SOCS4: variants seen among roughly 807,000 people sequenced by gnomAD.
SOCS4 encodes suppressor of cytokine signaling 4.
Under a neutral mutation model 34.1 loss-of-function variants are expected in SOCS4, and 20 were observed. That is an observed-to-expected ratio of 0.59 (90% CI 0.41 to 0.85). The LOEUF is 0.85. Ranked by LOEUF, SOCS4 falls within the 40% of genes least tolerant of loss-of-function variation. The pLI is 0.00. For missense variants in SOCS4, 479 were observed against 532.4 expected (o/e 0.90, Z 0.99); for synonymous variants, 180 against 186.4 (o/e 0.97, Z 0.28).
At chr14:55,028,102 A>G (rs1178875883) in intron 1 of SOCS4, among the ~76,000 whole-genome samples, 2 of 152,202 alleles carry the variant, frequency 1.3e-5, no homozygotes, top group African/African-American at 2.4e-5. Context: ...TCCAGTATCA[A>G]TCACATTTAT....
chr14:55,044,569 C>G lies in SOCS4; in HGVS notation c.*205C>G, dbSNP rs1685821412. The G allele has an allele frequency of 7.1e-6, 2 of 280,540 alleles. No individual in the cohort carries two copies. The highest frequency in any genetic ancestry group is 2.2e-5 in the African/African-American group (1 of 45,096). The allele number at this position is 280,540 out of a possible 1,614,324, so 17.4% of individuals were successfully genotyped here. A position where few individuals can be genotyped will look rare whatever the true frequency, so the allele number is the denominator to read the frequency against. Reference sequence around the variant, plus strand: ...CTCGAGCTTAAATAGATATTTTTAACCAGGTGTTTGGTTTTTGTTTTTACC... The same window carrying G: ...CTCGAGCTTAAATAGATATTTTTAAGCAGGTGTTTGGTTTTTGTTTTTACC... On this transcript the variant is annotated 3_prime_UTR_variant, in exon 3 of 3. Coordinates refer to ENST00000555846, the MANE Select transcript of SOCS4 (RefSeq NM_199421.2).
At chr14:55,040,085 C>A (rs1316417991) in intron 2 of SOCS4, among the ~76,000 whole-genome samples, 1 of 152,220 alleles carries the variant, frequency 6.6e-6, no homozygotes, top group South Asian at 2.1e-4. Flanking sequence ...TCATATTCTT[C>A]AGCCCATCTT....
rs1205243816 is a variant in SOCS4, at chr14:55,044,414, TTTTA to T, written c.*54_*57del. Reference sequence around the variant, plus strand: ...ATAATATATATTTTTTCTTTTAATATTTTATTTTTCTTTTTATGCCACTTTGGAT... The same window carrying T: ...ATAATATATATTTTTTCTTTTAATATTTTTTCTTTTTATGCCACTTTGGAT... On this transcript the variant is annotated 3_prime_UTR_variant, in exon 3 of 3. Transcript: ENST00000555846. 1 of 1,265,470 alleles carries T rather than the reference TTTTA, an allele frequency of 7.9e-7. No individual in the cohort carries two copies. Among genetic ancestry groups the T allele is most frequent in the Non-Finnish European group, 1.0e-6 (1 of 986,928 alleles). The allele number at this position is 1,265,470 out of a possible 1,614,324, so 78.4% of individuals were successfully genotyped here. A position where few individuals can be genotyped will look rare whatever the true frequency, so the allele number is the denominator to read the frequency against.
At chr14:55,039,737 C>CA (rs922971435) in intron 2 of SOCS4, among the ~76,000 whole-genome samples, 2 of 150,896 alleles carry the variant, frequency 1.3e-5, no homozygotes, top group East Asian at 2.0e-4. Flanking sequence ...ACTAAAAATA[C>CA]AAAAAAAAAT....
At position 55,043,645 on chromosome 14, in the gene SOCS4, A is replaced by G; in HGVS notation, c.604A>G (p.Asn202Asp). The change falls in exon 3 of 3, where the codon AAT becomes GAT. Residue 202 changes from asparagine to aspartate, a missense_variant. By Grantham distance (23) the Asn-to-Asp change is conservative. Coordinates refer to ENST00000555846, the MANE Select transcript of SOCS4 (RefSeq NM_199421.2). The part of the protein sequence containing the change: ...NVQPCVITTD[N>D]ALCREGPMTG... ...TCAGCCCTGTGTCATAACCACCGACAATGCTTTGTGTAGAGAAGGTCCTAT... is the reference window on the plus strand; with the variant it reads ...TCAGCCCTGTGTCATAACCACCGACGATGCTTTGTGTAGAGAAGGTCCTAT... The G allele has an allele frequency of 6.2e-7, 1 of 1,614,200 alleles. No homozygotes were observed. Among genetic ancestry groups the G allele is most frequent in the African/African-American group, 1.3e-5 (1 of 75,058 alleles).
rs1267154523 is a variant in SOCS4 at position 55,048,254 on chromosome 14, T to A, written c.*3890T>A. ...CTCACGCTTACTTTTCATTAAAATA[T>A]TTCTTGTCGCTTTTAGCTATTGTCA... On this transcript the variant is annotated 3_prime_UTR_variant, in exon 3 of 3. Transcript: ENST00000555846. 6.0e-6 allele frequency: 1 copy of A among 167,134 alleles called. No homozygotes were observed. 10.4% of individuals were successfully genotyped at this position (167,134 alleles called of 1,614,324 possible).
At chr14:55,042,619 T>G (rs1391417723) in intron 2 of SOCS4, among the ~76,000 whole-genome samples, 1 of 152,190 alleles carries the variant, frequency 6.6e-6, no homozygotes, top group Non-Finnish European at 1.5e-5. Context: ...TAAGGAGAGA[T>G]GAGCATAAGA....
Position 55,043,226 on chromosome 14 carries a change from T to C in SOCS4, c.185T>C (p.Leu62Ser), listed in dbSNP as rs2042636545. Residue 62 changes from leucine (L) to serine (S), a missense_variant, in exon 3 of 3, where the codon TTA (leucine) becomes TCA (serine). Leu to Ser is a moderately radical substitution (Grantham distance 145). Coordinates refer to ENST00000555846, the MANE Select transcript of SOCS4 (RefSeq NM_199421.2). Reference protein sequence around the residue: ...VNGIEKTEVSLRNQERKHSCS... With the variant: ...VNGIEKTEVSSRNQERKHSCS... Reference sequence around the variant, plus strand: ...GGTATAGAGAAAACCGAAGTGTCTTTAAGGAACCAAGAAAGGAAGCACAGC... The same window carrying C: ...GGTATAGAGAAAACCGAAGTGTCTTCAAGGAACCAAGAAAGGAAGCACAGC... 1.2e-6 allele frequency: 2 copies of C among 1,614,130 alleles called. No individual in the cohort carries two copies. The highest frequency in any genetic ancestry group is 2.7e-5 in the African/African-American group (2 of 74,944).
intron 2 of SOCS4, among the ~76,000 whole-genome samples, chr14:55,035,042 G>A (rs2042560622): frequency 1.3e-5 from 2 of 152,130 alleles, no homozygotes; most frequent in Non-Finnish European, 2.9e-5. Flanking sequence ...TGTGTTTTTA[G>A]TAGAGAGGAG....
At position 55,043,157 on chromosome 14, in the gene SOCS4, G is replaced by A. The variant is rs144064578; in HGVS notation, c.116G>A (p.Trp39Ter). 6.2e-7 allele frequency: 1 copy of A among 1,614,140 alleles called. No individual in the cohort carries two copies. Among genetic ancestry groups the A allele is most frequent in the Admixed American group, 1.7e-5 (1 of 60,008 alleles). ...GYVWSGKKLS[W>*]SKKSESYSDA... ...GTGTGGAGTGGAAAGAAGTTATCTT[G>A]GTCAAAAAAGAGTGAGAGTTATTCA... The change falls in exon 3 of 3, where the codon TGG becomes TAG. Residue 39 changes from tryptophan to a stop codon, truncating the protein, a stop_gained. Transcript: ENST00000555846. LOFTEE classifies it high-confidence loss of function.
rs1463919689 is a variant in SOCS4 at position 55,027,320 on chromosome 14, G to A, written c.-371G>A. 2 of 187,994 alleles carry A rather than the reference G, an allele frequency of 1.1e-5. No homozygotes were observed. Among genetic ancestry groups the A allele is most frequent in the Non-Finnish European group, 2.3e-5 (2 of 88,562 alleles). The allele number at this position is 187,994 out of a possible 1,614,324, so 11.6% of individuals were successfully genotyped here. The stretch of plus-strand genomic sequence containing the variant: ...GGGACCGGAACGCCGAAGCGGGGTT[G>A]GGGGTGGCAGAAAAGCATCTGCTTT... On this transcript the variant is annotated 5_prime_UTR_variant, in exon 1 of 3. Transcript: ENST00000555846.
chr14:55,031,117 C>G (rs553099777), intron 1 of SOCS4, among the ~76,000 whole-genome samples: 1 of 152,068 alleles, frequency 6.6e-6, no homozygotes, highest in Non-Finnish European at 1.5e-5. Context: ...AAAAATAAAT[C>G]TGTTCAATCT....
intron 1 of SOCS4, among the ~76,000 whole-genome samples, chr14:55,030,542 A>C (rs1379401104): frequency 6.6e-6 from 1 of 152,126 alleles, no homozygotes; most frequent in East Asian, 1.9e-4. Flanking sequence ...GTGTTCTTTA[A>C]AAAAAGTGTT....
rs755668248 is a variant in SOCS4 at position 55,044,373 on chromosome 14, T to A, written c.*9T>A. The A allele has an allele frequency of 2.0e-6, 3 of 1,494,478 alleles. No homozygotes were observed. Among genetic ancestry groups the A allele is most frequent in the Non-Finnish European group, 2.7e-6 (3 of 1,119,462 alleles). 92.6% of individuals were successfully genotyped at this position (1,494,478 alleles called of 1,614,324 possible). ...CAGAACAGCAATGCTAGTAACAGGA[T>A]GGGAACATGGGAATGATAATATATA... On this transcript the variant is annotated 3_prime_UTR_variant, in exon 3 of 3. Transcript: ENST00000555846.
intron 2 of SOCS4, among the ~76,000 whole-genome samples, chr14:55,033,275 G>C (rs1414365170): frequency 2.6e-5 from 4 of 151,982 alleles, no homozygotes; most frequent in African/African-American, 9.7e-5. Flanking sequence ...CTAAAATTAA[G>C]TTATTTTTAT....
chr14:55,037,120 T>TA (rs879833997), intron 2 of SOCS4, among the ~76,000 whole-genome samples: 183 of 141,774 alleles, frequency 1.3e-3, no homozygotes, highest in African/African-American at 2.1e-3. Flanking sequence ...CCTTTCTCAA[T>TA]AAAAAAAAAA....
intron 2 of SOCS4, among the ~76,000 whole-genome samples, chr14:55,036,567 C>T (rs2042573946): frequency 6.6e-6 from 1 of 152,046 alleles, no homozygotes; most frequent in Non-Finnish European, 1.5e-5. Context: ...TGGTCTAGAA[C>T]TCCTGACCTC....
intron 2 of SOCS4, among the ~76,000 whole-genome samples, chr14:55,037,593 A>C (rs2140245719): frequency 6.6e-6 from 1 of 151,806 alleles, no homozygotes; most frequent in Admixed American, 6.6e-5. Context: ...TCCCGGATTC[A>C]AGCGATTCTC....
Position 55,044,135 on chromosome 14 carries a change from A to G in SOCS4, c.1094A>G (p.Lys365Arg). The change falls in exon 3 of 3, where the codon AAG becomes AGG. Residue 365 changes from lysine (K) to arginine (R), a missense_variant. By Grantham distance (26) the Lys-to-Arg change is conservative. Transcript: ENST00000555846. ...ATTACTGGGCTCCTAGAACATTATA[A>G]GGACCCAAGCGCCTGTATGTTCTTT... ...PDITGLLEHY[K>R]DPSACMFFEP... 6.2e-7 allele frequency: 1 copy of G among 1,614,140 alleles called. No individual in the cohort carries two copies. Among genetic ancestry groups the G allele is most frequent in the Non-Finnish European group, 8.5e-7 (1 of 1,180,000 alleles).
Sources: gnomAD v4.1 joint callset for allele counts (sites outside exome capture counted in the v4.1 genomes callset) on GRCh38, gnomAD v4.1.1 for gene constraint, MANE v1.5 for transcripts, NCBI Gene and HGNC (gene_info 2026-07-23, HGNC 2026-07-21) for gene names.